Variants in SLC5A12 observed in about 807,000 individuals in gnomAD.
SLC5A12 encodes the protein solute carrier family 5 member 12, also known as sodium-coupled monocarboxylate transporter 2.
SLC5A12 carries 46 observed loss-of-function variants against 72.7 expected under a neutral mutation model. The observed-to-expected ratio is 0.63, with a 90% CI of 0.50 to 0.81. The LOEUF is 0.81. Among genes scored for constraint, SLC5A12 ranks in the 30% least tolerant of loss-of-function variants. SLC5A12 has a pLI of 0.00. For synonymous variants in SLC5A12, 275 were observed against 264.4 expected (o/e 1.04, Z -0.39); for missense variants, 683 against 740.7 (o/e 0.92, Z 0.90).
At chr11:26,684,137 T>C (rs1168659030) in intron 10 of SLC5A12, among the ~76,000 whole-genome samples, 1 of 152,054 alleles carries the variant, frequency 6.6e-6, no homozygotes, top group Non-Finnish European at 1.5e-5. Flanking sequence ...TCTTTCTCTA[T>C]AAAAAATATA....
At chr11:26,691,127 T>C (rs1428925117) in intron 9 of SLC5A12, among the ~76,000 whole-genome samples, 1 of 151,910 alleles carries the variant, frequency 6.6e-6, no homozygotes, top group Non-Finnish European at 1.5e-5. Flanking sequence ...CATCAACAAA[T>C]ATACAGAAAG....
chr11:26,685,589 CAG>C (rs1854510738), intron 10 of SLC5A12, among the ~76,000 whole-genome samples: 1 of 150,228 alleles, frequency 6.7e-6, no homozygotes, highest in Admixed American at 6.6e-5. Context: ...GCCTGGGTGA[CAG>C]AGTGAGACTC....
intron 1 of SLC5A12, among the ~76,000 whole-genome samples, chr11:26,714,291 T>C (rs567467718): frequency 4.6e-5 from 7 of 152,294 alleles, no homozygotes; most frequent in African/African-American, 1.4e-4. Context: ...GTTTGTTACC[T>C]GCTTTACATA....
At chr11:26,675,500 C>G (rs1854244716) in intron 13 of SLC5A12, among the ~76,000 whole-genome samples, 1 of 152,028 alleles carries the variant, frequency 6.6e-6, no homozygotes, top group Non-Finnish European at 1.5e-5. Flanking sequence ...TTGGTTGAAA[C>G]CAAGTTCGTC....
intron 13 of SLC5A12, among the ~76,000 whole-genome samples, chr11:26,674,032 C>T (rs1854207733): frequency 6.6e-6 from 1 of 152,122 alleles, no homozygotes. Flanking sequence ...GCATTCCTCA[C>T]ACCTCCTCAT....
At position 26,668,174 on chromosome 11, in the gene SLC5A12, A is replaced by G. The variant is rs1313270058; in HGVS notation, c.*2928T>C. 1.3e-5 allele frequency: 2 copies of G among 152,014 alleles called. No homozygotes were observed. Among genetic ancestry groups the G allele is most frequent in the African/African-American group, 2.4e-5 (1 of 41,416 alleles). 9.4% of individuals were successfully genotyped at this position (152,014 alleles called of 1,614,324 possible). Reference sequence around the variant, plus strand: ...CATTTGACTGCAGTTCCTCACCTCAATCATAAGCTGTTGTAGTTCTTATTC... The same window carrying G: ...CATTTGACTGCAGTTCCTCACCTCAGTCATAAGCTGTTGTAGTTCTTATTC... On this transcript the variant is annotated 3_prime_UTR_variant, in exon 15 of 15. Transcript: ENST00000396005.
At chr11:26,684,028 A>ATG (rs145705590) in intron 10 of SLC5A12, among the ~76,000 whole-genome samples, 185 bp from the exon 11 acceptor site, 69,882 of 147,920 alleles carry the variant, frequency 0.47, 16,601 homozygotes, top group South Asian at 0.58. Flanking sequence ...GTATTTATGT[A>ATG]TGTGTGTGTG....
intron 8 of SLC5A12, 35 bp from the exon 9 acceptor site, chr11:26,692,636 C>A: frequency 6.7e-7 from 1 of 1,492,398 alleles, no homozygotes; most frequent in Non-Finnish European, 9.3e-7. Context: ...ATGGTCTAAG[C>A]TATATAAGGC....
At chr11:26,671,883 G>C (rs1487199392) in intron 14 of SLC5A12, among the ~76,000 whole-genome samples, 1 of 152,006 alleles carries the variant, frequency 6.6e-6, no homozygotes, top group Admixed American at 6.6e-5. Flanking sequence ...CAAACAATAG[G>C]CTGCTTAACC....
chr11:26,702,875 CTT>C (rs1854991856), intron 6 of SLC5A12, among the ~76,000 whole-genome samples: 1 of 152,140 alleles, frequency 6.6e-6, no homozygotes, highest in South Asian at 2.1e-4. Flanking sequence ...AAAAATGAAA[CTT>C]AATGCTAACT....
Position 26,703,896 on chromosome 11 carries a change from T to A in SLC5A12, c.577A>T (p.Ile193Phe). Residue 193 changes from isoleucine (I) to phenylalanine (F), a missense_variant, in exon 5 of 15, where the codon ATT becomes TTT. Ile to Phe is a conservative substitution (Grantham distance 21, BLOSUM62 0). Coordinates refer to ENST00000396005, the MANE Select transcript of SLC5A12 (RefSeq NM_178498.4). ...ATGAGAACCGTTAAGAAGCCCACAA[T>A]CATGACAACCATCTGAAATGCATCT... is the stretch of plus-strand genomic sequence containing the variant. ...WTDAFQMVVM[I>F]VGFLTVLIQG... 6.2e-7 allele frequency: 1 copy of A among 1,613,912 alleles called. No individual in the cohort carries two copies. The highest frequency in any genetic ancestry group is 8.5e-7 in the Non-Finnish European group (1 of 1,179,856).
intron 7 of SLC5A12, 126 bp from the exon 8 acceptor site, chr11:26,697,378 G>A (rs758320137): frequency 2.6e-5 from 20 of 759,822 alleles, no homozygotes; most frequent in Non-Finnish European, 3.9e-5. Flanking sequence ...GAACATAGCT[G>A]TTTAGCAAAA....
intron 4 of SLC5A12, among the ~76,000 whole-genome samples, chr11:26,704,240 A>G (rs1223390590): frequency 6.6e-6 from 1 of 152,198 alleles, no homozygotes; most frequent in Non-Finnish European, 1.5e-5. Context: ...AAGACAGGTT[A>G]CTATAGGAGC....
At chr11:26,715,683 G>A (rs1855335339) in intron 1 of SLC5A12, among the ~76,000 whole-genome samples, 1 of 152,114 alleles carries the variant, frequency 6.6e-6, no homozygotes, top group Non-Finnish European at 1.5e-5. Flanking sequence ...TATATTGCAA[G>A]TACAAATTTT....
rs1854534607 is a variant in SLC5A12, at chr11:26,686,407, A to C, written c.1221+70T>G. On this transcript the variant is annotated intron_variant, in intron 10 of 14. Coordinates refer to ENST00000396005, the MANE Select transcript of SLC5A12 (RefSeq NM_178498.4). ...TCAGCCTTTGGATCTTGGAGGAAGA[A>C]GCAAGACATTAAAAGAGAGTGGGGG... The C allele has an allele frequency of 4.3e-6, 6 of 1,396,950 alleles. No homozygotes were observed. In the South Asian group the frequency reaches 5.8e-5, roughly 14 times the overall value. 86.5% of individuals were successfully genotyped at this position (1,396,950 alleles called of 1,614,324 possible).
chr11:26,678,661 A>C, intron 13 of SLC5A12, 51 bp downstream of exon 13: 1 of 1,325,458 alleles, frequency 7.5e-7, no homozygotes, highest in Non-Finnish European at 1.1e-6. Flanking sequence ...CCACCAATGC[A>C]TGCATGAGCC....
chr11:26,691,192 G>A (rs1316637331), intron 9 of SLC5A12, among the ~76,000 whole-genome samples: 1 of 151,848 alleles, frequency 6.6e-6, no homozygotes, highest in Non-Finnish European at 1.5e-5. Context: ...AAAAAATGCT[G>A]TATATATCAA....
intron 1 of SLC5A12, among the ~76,000 whole-genome samples, chr11:26,714,482 AC>A (rs556543512): frequency 9.1e-4 from 139 of 152,244 alleles, no homozygotes; most frequent in African/African-American, 3.2e-3. Context: ...AATCTCATTT[AC>A]TGTTTTGGAG....
At chr11:26,680,304 C>CAT (rs35822935) in intron 12 of SLC5A12, among the ~76,000 whole-genome samples, 1 of 67,882 alleles carries the variant, frequency 1.5e-5, no homozygotes, top group African/African-American at 5.6e-5. Flanking sequence ...TATATATATT[C>CAT]ATATATATAT....
Sources: gnomAD v4.1 joint callset for allele counts (sites outside exome capture counted in the v4.1 genomes callset) on GRCh38, gnomAD v4.1.1 for gene constraint, MANE v1.5 for transcripts, NCBI Gene and HGNC (gene_info 2026-07-23, HGNC 2026-07-21) for gene names.